PIK3CG: variants seen among roughly 807,000 people sequenced by gnomAD.
PIK3CG encodes phosphatidylinositol 4,5-bisphosphate 3-kinase catalytic subunit gamma isoform.
A neutral mutation model predicts 102.3 loss-of-function variants in PIK3CG; 55 were observed. The ratio of observed to expected loss-of-function variants is 0.54; its 90% CI spans 0.43 to 0.67. The LOEUF (loss-of-function observed/expected upper bound fraction) is 0.67, where lower values mean the gene tolerates loss of function less well. PIK3CG is among the 30% of genes least tolerant of loss of function. The probability of loss-of-function intolerance (pLI) is 0.00; values close to 1 mark genes in which losing one functional copy is unlikely to be tolerated. For synonymous variants in PIK3CG, 552 were observed against 540.0 expected, an observed-to-expected ratio of 1.02 and a Z score of -0.31; for missense variants, 1,258 against 1,391.8, an observed-to-expected ratio of 0.90 and a Z score of 1.53.
chr7:106,886,190 G>A lies in PIK3CG; in HGVS notation c.2928G>A (p.Leu976=), dbSNP rs2116561181. The A allele has an allele frequency of 6.2e-7, 1 of 1,613,936 alleles. No homozygotes were observed. Residue 976 remains leucine, a synonymous_variant, in exon 10 of 11, where the codon CTG becomes CTA. Transcript: ENST00000496166. The stretch of plus-strand genomic sequence containing the variant: ...TTCTTGGGAATTACAAAAGTTTCCT[G>A]GGCATTAATAAAGAGAGAGTGCCAT... ...GHILGNYKSF[L]GINKERVPFV... is the part of the protein sequence containing the mutation.
In PIK3CG at chr7:106,893,858, C is replaced by T. The variant is rs1163187137; in HGVS notation, c.3030+7566C>T. ...ACCTAGGTGGTAGTCTTCCACACACCTAGGCTATATGATATAGCCTATTGC... is the reference window on the plus strand; with the variant it reads ...ACCTAGGTGGTAGTCTTCCACACACTTAGGCTATATGATATAGCCTATTGC... On this transcript the variant is annotated intron_variant, in intron 10 of 10. Coordinates refer to ENST00000496166, the MANE Select transcript of PIK3CG (RefSeq NM_001282426.2). This position sits in a 1 kb window ranked among gnomAD's most constrained non-coding sequence, Gnocchi z 4.4. Among the ~76,000 whole-genome samples, 1 of 152,170 alleles carries T rather than the reference C, an allele frequency of 6.6e-6. No individual in the cohort carries two copies. Among genetic ancestry groups the T allele is most frequent in the Non-Finnish European group, 1.5e-5 (1 of 68,036 alleles).
rs1791658498 is a variant in PIK3CG at position 106,905,270 on chromosome 7, T to C, written c.3192T>C (p.Ala1064=). ...ALTVGKNEED[A]KKYFLDQIEV... ...CAGTGGGGAAAAATGAGGAGGATGC[T>C]AAAAAGTATTTTCTTGATCAGATCG... The change falls in exon 11 of 11, where the codon GCT becomes GCC. Residue 1064 remains alanine, a synonymous_variant. Coordinates refer to ENST00000496166, the MANE Select transcript of PIK3CG (RefSeq NM_001282426.2). This position sits in a 1 kb window ranked among gnomAD's most constrained non-coding sequence, Gnocchi z 5.6. The C allele has an allele frequency of 4.3e-6, 7 of 1,614,110 alleles. No homozygotes were observed. In the African/African-American group the frequency reaches 8.0e-5, roughly 18 times the overall value.
rs929449016 is a variant in PIK3CG at position 106,899,531 on chromosome 7, T to C, written c.3031-5578T>C. Among the ~76,000 whole-genome samples, 5 of 152,332 alleles carry C rather than the reference T, an allele frequency of 3.3e-5. No homozygotes were observed. In the East Asian group the frequency reaches 9.6e-4, roughly 29 times the overall value. On this transcript the variant is annotated intron_variant, in intron 10 of 10. Coordinates refer to ENST00000496166, the MANE Select transcript of PIK3CG (RefSeq NM_001282426.2). The surrounding 1 kb of genome is among the most constrained non-coding windows in gnomAD (Gnocchi z 4.6). ...AAATGGCTCTCATTATTTTGAGATA[T>C]GTTCCTTCAATACCTAGTTTATTGA... is the stretch of plus-strand genomic sequence containing the variant.
Position 106,890,005 on chromosome 7 carries a change from G to C in PIK3CG, c.3030+3713G>C, listed in dbSNP as rs1461471686. 6.6e-6 allele frequency among the ~76,000 whole-genome samples: 1 copy of C among 152,048 alleles called. No individual in the cohort carries two copies. Among genetic ancestry groups the C allele is most frequent in the Non-Finnish European group, 1.5e-5 (1 of 68,028 alleles). On this transcript the variant is annotated intron_variant, in intron 10 of 10. Transcript: ENST00000496166. This position sits in a 1 kb window ranked among gnomAD's most constrained non-coding sequence, Gnocchi z 4.2. Reference sequence around the variant, plus strand: ...TCTCCACAGAAAAATCTCCCTTATGGGAGGAATAAAAAAGAAAAGTGTTTT... The same window carrying C: ...TCTCCACAGAAAAATCTCCCTTATGCGAGGAATAAAAAAGAAAAGTGTTTT...
Position 106,907,879 on chromosome 7 carries a change from C to T in PIK3CG, c.*2492C>T, listed in dbSNP as rs999175192. Among the ~76,000 whole-genome samples, 6 of 143,252 alleles carry T rather than the reference C, an allele frequency of 4.2e-5. No individual in the cohort carries two copies. The highest frequency in any genetic ancestry group is 1.0e-4 in the African/African-American group (4 of 39,490). The allele number at this position is 143,252 out of a possible 152,430, so 94.0% of individuals were successfully genotyped here. A position where few individuals can be genotyped will look rare whatever the true frequency, so the allele number is the denominator to read the frequency against. Reference sequence around the variant, plus strand: ...ATATCACAGTTGGGCTTGATTCTTCCGTATTCCAAAGAGCATAATTTCAGT... The same window carrying T: ...ATATCACAGTTGGGCTTGATTCTTCTGTATTCCAAAGAGCATAATTTCAGT... On this transcript the variant is annotated 3_prime_UTR_variant, in exon 11 of 11. Coordinates refer to ENST00000496166, the MANE Select transcript of PIK3CG (RefSeq NM_001282426.2).
rs945396327 is a variant in PIK3CG at position 106,884,994 on chromosome 7, A to G, written c.2872+728A>G. 2.6e-5 allele frequency among the ~76,000 whole-genome samples: 4 copies of G among 152,194 alleles called. No individual in the cohort carries two copies. Among genetic ancestry groups the G allele is most frequent in the African/African-American group, 9.7e-5 (4 of 41,432 alleles). On this transcript the variant is annotated intron_variant, in intron 9 of 10. Transcript: ENST00000496166. This position sits in a 1 kb window ranked among gnomAD's most constrained non-coding sequence, Gnocchi z 4.2. ...AGGGTTTGTGTTCCTATGAGAATCT[A>G]ATGCTGCAACTGATCTGACAGGAGG...
intron 10 of PIK3CG, among the ~76,000 whole-genome samples, chr7:106,896,045 A>C (rs1400266950): frequency 6.6e-6 from 1 of 152,226 alleles, no homozygotes; most frequent in Non-Finnish European, 1.5e-5. Context: ...CTGGGGAAGA[A>C]ATTTCTTTCT....
At position 106,894,610 on chromosome 7, in the gene PIK3CG, A is replaced by T. The variant is rs1264328845; in HGVS notation, c.3030+8318A>T. On this transcript the variant is annotated intron_variant, in intron 10 of 10. Coordinates refer to ENST00000496166, the MANE Select transcript of PIK3CG (RefSeq NM_001282426.2). This position sits in a 1 kb window ranked among gnomAD's most constrained non-coding sequence, Gnocchi z 4.4. ...GCTAGCCAATGCATTGATTTTTATT[A>T]AAAAAACAAAATAACAAAATAAAAT... Among the ~76,000 whole-genome samples, 1 of 152,206 alleles carries T rather than the reference A, an allele frequency of 6.6e-6. No individual in the cohort carries two copies.
At position 106,903,787 on chromosome 7, in the gene PIK3CG, C is replaced by T. The variant is rs1461348269; in HGVS notation, c.3031-1322C>T. 6.6e-6 allele frequency among the ~76,000 whole-genome samples: 1 copy of T among 151,844 alleles called. No individual in the cohort carries two copies. Among genetic ancestry groups the T allele is most frequent in the Admixed American group, 6.6e-5 (1 of 15,240 alleles). ...TTATTTATTTATTTAGAGACAGAGT[C>T]TCACTCTGTTGCCTACTTTGGAGTG... On this transcript the variant is annotated intron_variant, in intron 10 of 10. Transcript: ENST00000496166. This position sits in a 1 kb window ranked among gnomAD's most constrained non-coding sequence, Gnocchi z 4.3.
At position 106,869,623 on chromosome 7, in the gene PIK3CG, C is replaced by T; in HGVS notation, c.1995+67C>T. On this transcript the variant is annotated intron_variant, in intron 2 of 10. Transcript: ENST00000496166. The surrounding 1 kb of genome is among the most constrained non-coding windows in gnomAD (Gnocchi z 5.3). ...GAATTGATTTGCATATGCACAGGCA[C>T]TCCATTCAGTTGTCATCAAATGCCC... 1 of 1,312,518 alleles carries T rather than the reference C, an allele frequency of 7.6e-7. No individual in the cohort carries two copies. Among genetic ancestry groups the T allele is most frequent in the South Asian group, 1.5e-5 (1 of 68,668 alleles). The allele number at this position is 1,312,518 out of a possible 1,614,324, so 81.3% of individuals were successfully genotyped here.
chr7:106,874,923 C>T lies in PIK3CG; in HGVS notation c.2391+120C>T. On this transcript the variant is annotated intron_variant, in intron 5 of 10. Coordinates refer to ENST00000496166, the MANE Select transcript of PIK3CG (RefSeq NM_001282426.2). This position sits in a 1 kb window ranked among gnomAD's most constrained non-coding sequence, Gnocchi z 4.3. ...CAGAGACAGGGAAGCTGGAGAGTCTCTGGATGGGTTTCTCATAAGCCCTTG... is the reference window on the plus strand; with the variant it reads ...CAGAGACAGGGAAGCTGGAGAGTCTTTGGATGGGTTTCTCATAAGCCCTTG... The T allele has an allele frequency of 4.8e-6, 3 of 619,570 alleles. No individual in the cohort carries two copies. The East Asian group carries it at 8.4e-5, about 17-fold the overall frequency. The allele number at this position is 619,570 out of a possible 1,614,324, so 38.4% of individuals were successfully genotyped here. A position where few individuals can be genotyped will look rare whatever the true frequency, so the allele number is the denominator to read the frequency against.
At position 106,867,877 on chromosome 7, in the gene PIK3CG, T is replaced by C; in HGVS notation, c.316T>C (p.Trp106Arg). The change falls in exon 2 of 11, where the codon TGG becomes CGG. Residue 106 changes from tryptophan (W) to arginine (R), a missense_variant. Physicochemically the swap from Trp to Arg is moderately radical, Grantham distance 101 (BLOSUM62 -3). Around this residue, in one of 2 missense-constraint regions of PIK3CG, gnomAD observed 832 missense variants for 787.5 expected, o/e 1.06. Coordinates refer to ENST00000496166, the MANE Select transcript of PIK3CG (RefSeq NM_001282426.2). The surrounding 1 kb of genome is among the most constrained non-coding windows in gnomAD (Gnocchi z 5.1). ...FLLLYQKKGQ[W>R]YEIYDKYQVV... ...CCTGCTCTATCAGAAGAAGGGGCAG[T>C]GGTACGAGATCTACGACAAGTACCA... 1 of 1,612,798 alleles carries C rather than the reference T, an allele frequency of 6.2e-7. No individual in the cohort carries two copies. The highest frequency in any genetic ancestry group is 2.2e-5 in the East Asian group (1 of 44,834).
rs1790780594 is a variant in PIK3CG at position 106,877,238 on chromosome 7, GCCTGGGGTAAT to G, written c.2392-2278_2392-2268del. On this transcript the variant is annotated intron_variant, in intron 5 of 10. Coordinates refer to ENST00000496166, the MANE Select transcript of PIK3CG (RefSeq NM_001282426.2). The surrounding 1 kb of genome is among the most constrained non-coding windows in gnomAD (Gnocchi z 4.5). ...GAAATCTATCTAATCCAGTGCCTCA[GCCTGGGGTAAT>G]CCCTCTGTCTGCCAAGGGACATTTG... Among the ~76,000 whole-genome samples the G allele has an allele frequency of 1.3e-5, 2 of 152,166 alleles. No homozygotes were observed. Among genetic ancestry groups the G allele is most frequent in the African/African-American group, 4.8e-5 (2 of 41,436 alleles).
rs777013841 is a variant in PIK3CG at position 106,880,186 on chromosome 7, A to G, written c.2538+521A>G. On this transcript the variant is annotated intron_variant, in intron 6 of 10. Coordinates refer to ENST00000496166, the MANE Select transcript of PIK3CG (RefSeq NM_001282426.2). This position sits in a 1 kb window ranked among gnomAD's most constrained non-coding sequence, Gnocchi z 4.2. Reference sequence around the variant, plus strand: ...AGGGCAGAAGGTGAATGGTCAATATATCAGTGCTAATTATTTTCATATTTT... The same window carrying G: ...AGGGCAGAAGGTGAATGGTCAATATGTCAGTGCTAATTATTTTCATATTTT... Among the ~76,000 whole-genome samples, 2 of 152,242 alleles carry G rather than the reference A, an allele frequency of 1.3e-5. No individual in the cohort carries two copies. Among genetic ancestry groups the G allele is most frequent in the Non-Finnish European group, 2.9e-5 (2 of 68,046 alleles).
At position 106,868,487 on chromosome 7, in the gene PIK3CG, C is replaced by T. The variant is rs373864078; in HGVS notation, c.926C>T (p.Thr309Met). 3.7e-6 allele frequency: 6 copies of T among 1,614,164 alleles called. No homozygotes were observed. Among genetic ancestry groups the T allele is most frequent in the Non-Finnish European group, 5.1e-6 (6 of 1,180,034 alleles). ...GAAGAGATTCACGTGGTACTGGACA[C>T]GCCTCCAGACCCGGCCCTAGACGAG... is the stretch of plus-strand genomic sequence containing the variant. The part of the protein sequence containing the change: ...NGEEIHVVLD[T>M]PPDPALDEVR... Residue 309 changes from threonine to methionine, a missense_variant, in exon 2 of 11, where the codon ACG becomes ATG. By Grantham distance (81) the Thr-to-Met change is moderately conservative. Around this residue, in one of 2 missense-constraint regions of PIK3CG, gnomAD observed 832 missense variants for 787.5 expected, o/e 1.06. Coordinates refer to ENST00000496166, the MANE Select transcript of PIK3CG (RefSeq NM_001282426.2). The surrounding 1 kb of genome is among the most constrained non-coding windows in gnomAD (Gnocchi z 6.2).
chr7:106,898,734 C>T (rs1791469935), intron 10 of PIK3CG, among the ~76,000 whole-genome samples: 1 of 152,240 alleles, frequency 6.6e-6, no homozygotes, highest in East Asian at 1.9e-4. Flanking sequence ...CTCCTTTGGT[C>T]TCTGTGCCTG....
intron 2 of PIK3CG, among the ~76,000 whole-genome samples, chr7:106,870,768 C>T (rs1584320551): frequency 6.6e-6 from 1 of 152,308 alleles, no homozygotes; most frequent in African/African-American, 2.4e-5. Context: ...TGGATAGCCT[C>T]AACTTAAACT....
chr7:106,907,998 T>G lies in PIK3CG; in HGVS notation c.*2611T>G, dbSNP rs1478537026. 6.6e-6 allele frequency among the ~76,000 whole-genome samples: 1 copy of G among 152,106 alleles called. No homozygotes were observed. Among genetic ancestry groups the G allele is most frequent in the African/African-American group, 2.4e-5 (1 of 41,408 alleles). On this transcript the variant is annotated 3_prime_UTR_variant, in exon 11 of 11. Transcript: ENST00000496166. ...ACATGACGAACAACTTCTATACCTTTGAAAATGTTCTAGAACTAGAATCAT... is the reference window on the plus strand; with the variant it reads ...ACATGACGAACAACTTCTATACCTTGGAAAATGTTCTAGAACTAGAATCAT...
Position 106,897,126 on chromosome 7 carries a change from C to T in PIK3CG, c.3031-7983C>T, listed in dbSNP as rs533182625. ...TTCTACAGTATCTTTCTAGTAGTTCCAGGACATGCAATTTTAAGTACTTTT... is the reference window on the plus strand; with the variant it reads ...TTCTACAGTATCTTTCTAGTAGTTCTAGGACATGCAATTTTAAGTACTTTT... On this transcript the variant is annotated intron_variant, in intron 10 of 10. Transcript: ENST00000496166. The surrounding 1 kb of genome is among the most constrained non-coding windows in gnomAD (Gnocchi z 4.6). Among the ~76,000 whole-genome samples, 2 of 152,166 alleles carry T rather than the reference C, an allele frequency of 1.3e-5. No homozygotes were observed. Among genetic ancestry groups the T allele is most frequent in the South Asian group, 2.1e-4 (1 of 4,818 alleles).
Sources: gnomAD v4.1 joint callset for allele counts (sites outside exome capture counted in the v4.1 genomes callset) on GRCh38, gnomAD v4.1.1 for gene constraint, gnomAD v4.1.1 regional missense constraint, Gnocchi (gnomAD v3.1) non-coding constraint, MANE v1.5 for transcripts, NCBI Gene and HGNC (gene_info 2026-07-23, HGNC 2026-07-21) for gene names.